DPP6: variants seen among roughly 807,000 people sequenced by gnomAD.
DPP6 encodes the protein A-type potassium channel modulatory protein DPP6.
DPP6 carries 69 observed loss-of-function variants against 122.6 expected under a neutral mutation model. The observed-to-expected ratio is 0.56, with a 90% CI of 0.46 to 0.69. The LOEUF (loss-of-function observed/expected upper bound fraction) is 0.69. Ranked by LOEUF, DPP6 falls within the 30% of genes least tolerant of loss-of-function variation. DPP6 has a pLI of 0.00. For missense variants in DPP6, 928 were observed against 1,116.9 expected, an observed-to-expected ratio of 0.83 and a Z score of 2.41; for synonymous variants, 418 against 433.1, an observed-to-expected ratio of 0.97 and a Z score of 0.43.
chr7:154,091,553 A>G (rs1427172060), intron 1 of DPP6, among the ~76,000 whole-genome samples: 1 of 152,172 alleles, frequency 6.6e-6, no homozygotes, highest in Non-Finnish European at 1.5e-5. Context: ...CGTCAGAAGC[A>G]TTTGAGAAAG....
At chr7:154,270,787 G>A (rs1373118430) in intron 1 of DPP6, among the ~76,000 whole-genome samples, 1 of 152,138 alleles carries the variant, frequency 6.6e-6, no homozygotes, top group Non-Finnish European at 1.5e-5. Context: ...GTCTCTGGGT[G>A]TGCCTATGGG....
At position 154,130,269 on chromosome 7, in the gene DPP6, T is replaced by A. The variant is rs191536767; in HGVS notation, c.243+77206T>A. On this transcript the variant is annotated intron_variant, in intron 1 of 25. Coordinates refer to ENST00000377770, the MANE Select transcript of DPP6 (RefSeq NM_130797.4). Reference sequence around the variant, plus strand: ...AGAACTTTCAGCTTCCTCAAGGTCGTTCCTTAGTCGTTGCCACTGAAAAAT... The same window carrying A: ...AGAACTTTCAGCTTCCTCAAGGTCGATCCTTAGTCGTTGCCACTGAAAAAT... 4.2e-3 allele frequency among the ~76,000 whole-genome samples: 644 copies of A among 152,228 alleles called. 8 individuals are homozygous for A. The highest frequency in any genetic ancestry group is 0.015 in the African/African-American group (604 of 41,526).
intron 1 of DPP6, among the ~76,000 whole-genome samples, chr7:154,238,785 G>T (rs1357362651): frequency 6.6e-6 from 1 of 152,110 alleles, no homozygotes; most frequent in African/African-American, 2.4e-5. Flanking sequence ...AATTATTTGA[G>T]ATACACAGGA....
chr7:154,650,583 C>T (rs1359849537), intron 6 of DPP6, among the ~76,000 whole-genome samples: 1 of 152,154 alleles, frequency 6.6e-6, no homozygotes, highest in Non-Finnish European at 1.5e-5. Flanking sequence ...AACCCAACAG[C>T]ACAGCACTCA....
chr7:154,742,780 C>T (rs1362211184), intron 8 of DPP6, among the ~76,000 whole-genome samples: 2 of 152,226 alleles, frequency 1.3e-5, no homozygotes, highest in Non-Finnish European at 2.9e-5. Flanking sequence ...GCCAGGCAGT[C>T]CCTCCAGTCA....
intron 1 of DPP6, among the ~76,000 whole-genome samples, chr7:154,229,561 G>A (rs1175438180): frequency 1.3e-5 from 2 of 152,180 alleles, no homozygotes; most frequent in Non-Finnish European, 2.9e-5. Context: ...AATTGATGTG[G>A]ATGGATTACC....
chr7:154,082,051 T>G (rs923388618), intron 1 of DPP6, among the ~76,000 whole-genome samples: 1 of 152,082 alleles, frequency 6.6e-6, no homozygotes. Flanking sequence ...TTGGAGGACT[T>G]CAACCCTCTT....
intron 1 of DPP6, among the ~76,000 whole-genome samples, chr7:154,102,112 G>T (rs1486503625): frequency 6.6e-6 from 1 of 152,032 alleles, no homozygotes; most frequent in Non-Finnish European, 1.5e-5. Flanking sequence ...CGCACAGATT[G>T]TCAGGACTTT....
chr7:154,488,605 C>T (rs1824002353), intron 3 of DPP6, among the ~76,000 whole-genome samples: 2 of 151,898 alleles, frequency 1.3e-5, no homozygotes, highest in African/African-American at 2.4e-5. Flanking sequence ...TTGATACTTG[C>T]CACTTATTGA....
At chr7:154,312,255 A>G (rs1806965221) in intron 1 of DPP6, among the ~76,000 whole-genome samples, 1 of 152,146 alleles carries the variant, frequency 6.6e-6, no homozygotes, top group Admixed American at 6.5e-5. Flanking sequence ...TAGTGTTGAA[A>G]TGTGCAGCGA....
chr7:154,651,132 GTAC>G (rs1356322285), intron 6 of DPP6, among the ~76,000 whole-genome samples: 1 of 152,152 alleles, frequency 6.6e-6, no homozygotes, highest in African/African-American at 2.4e-5. Flanking sequence ...CTAGGTACTA[GTAC>G]TGCACTAGAT....
chr7:154,134,729 A>G (rs1795455866), intron 1 of DPP6, among the ~76,000 whole-genome samples: 2 of 150,504 alleles, frequency 1.3e-5, no homozygotes, highest in Non-Finnish European at 3.0e-5. Flanking sequence ...TACACTTCCC[A>G]TGAGCTTACA....
intron 5 of DPP6, among the ~76,000 whole-genome samples, chr7:154,572,479 C>A (rs1485013773): frequency 7.0e-6 from 1 of 142,744 alleles, no homozygotes; most frequent in African/African-American, 2.6e-5. Context: ...TCAGGTAATT[C>A]TGAGTATATG....
At chr7:153,806,076 G>T in the DPP6 span, among the ~76,000 whole-genome samples, 713 of 151,860 alleles carry the variant, frequency 4.7e-3, 17 homozygotes, top group African/African-American at 0.016. Flanking sequence ...CATATCTGAC[G>T]TCAGGAAGAA....
In DPP6 at chr7:154,241,585, T is replaced by C. The variant is rs371326666; in HGVS notation, c.243+188522T>C. ...AAAACAAAACAAAAAAAAGATCCAATTCCATCCCCATCTACTCCAAAATGC... is the reference window on the plus strand; with the variant it reads ...AAAACAAAACAAAAAAAAGATCCAACTCCATCCCCATCTACTCCAAAATGC... On this transcript the variant is annotated intron_variant, in intron 1 of 25. Transcript: ENST00000377770. This position sits in a 1 kb window ranked among gnomAD's most constrained non-coding sequence, Gnocchi z 9.0. 3.3e-5 allele frequency among the ~76,000 whole-genome samples: 5 copies of C among 152,110 alleles called. No homozygotes were observed. In the East Asian group the frequency reaches 9.7e-4, roughly 29 times the overall value.
chr7:154,090,640 T>C (rs1247456592), intron 1 of DPP6, among the ~76,000 whole-genome samples: 2 of 151,940 alleles, frequency 1.3e-5, no homozygotes, highest in Admixed American at 6.6e-5. Flanking sequence ...GACTTGCTGC[T>C]TCTGGTCCGT....
the DPP6 span, among the ~76,000 whole-genome samples, chr7:153,785,279 C>T: frequency 5.5e-4 from 84 of 152,138 alleles, 1 homozygote; most frequent in African/African-American, 1.6e-3. Flanking sequence ...TCTAGTGTAA[C>T]CAGCATGTTA....
intron 3 of DPP6, among the ~76,000 whole-genome samples, chr7:154,501,233 C>T (rs1825215695): frequency 6.8e-6 from 1 of 147,684 alleles, no homozygotes; most frequent in Non-Finnish European, 1.5e-5. Context: ...GGACAATTTG[C>T]AGTCTGACAA....
chr7:153,762,509 G>A, the DPP6 span, among the ~76,000 whole-genome samples: 4 of 151,956 alleles, frequency 2.6e-5, no homozygotes, highest in Non-Finnish European at 2.9e-5. Flanking sequence ...GGTGGCTCAC[G>A]CCTATAATTC....
Sources: allele counts gnomAD v4.1 joint callset (sites outside exome capture counted in the v4.1 genomes callset), GRCh38; gene constraint gnomAD v4.1.1; non-coding constraint Gnocchi (gnomAD v3.1); transcripts MANE v1.5; gene names NCBI Gene and HGNC (gene_info 2026-07-23, HGNC 2026-07-21).